The following LRP1B variants were observed in gnomAD, a reference collection of about 807,000 sequenced individuals.
The protein encoded by LRP1B is LDL receptor related protein 1B.
LRP1B carries 217 observed loss-of-function variants against 556.6 expected under a neutral mutation model. The ratio of observed to expected loss-of-function variants is 0.39; its 90% CI spans 0.35 to 0.44. The LOEUF is 0.44. Among genes scored for constraint, LRP1B ranks in the 20% least tolerant of loss-of-function variants. LRP1B has a pLI of 1.00. For missense variants in LRP1B, 5,053 were observed against 5,620.8 expected, an observed-to-expected ratio of 0.90 and a Z score of 3.23; for synonymous variants, 2,047 against 1,865.8, an observed-to-expected ratio of 1.10 and a Z score of -2.50.
intron 59 of LRP1B, among the ~76,000 whole-genome samples, chr2:140,483,630 ATATATATATATT>A (rs1284554275): frequency 4.3e-5 from 2 of 46,306 alleles, no homozygotes; most frequent in Non-Finnish European, 9.6e-5. Flanking sequence ...ATATATATAT[ATATATATATATT>A]TTTTTTTTTT....
intron 3 of LRP1B, among the ~76,000 whole-genome samples, chr2:141,474,538 T>A (rs953431931): frequency 1.8e-4 from 28 of 152,120 alleles, no homozygotes; most frequent in African/African-American, 6.5e-4. Flanking sequence ...TTATTGACAA[T>A]AGATTATGAG....
intron 41 of LRP1B, among the ~76,000 whole-genome samples, chr2:140,661,048 G>T (rs909213000): frequency 6.6e-6 from 1 of 151,650 alleles, no homozygotes; most frequent in Non-Finnish European, 1.5e-5. Context: ...ATTATCAGAG[G>T]CCAAAGTTAA....
intron 43 of LRP1B, among the ~76,000 whole-genome samples, chr2:140,552,812 A>G (rs1303715331): frequency 6.6e-6 from 1 of 152,134 alleles, no homozygotes; most frequent in Non-Finnish European, 1.5e-5. Context: ...TTCTTGACAC[A>G]GCTACTTATT....
chr2:141,995,177 C>T (rs992568758), intron 1 of LRP1B, among the ~76,000 whole-genome samples: 30 of 152,000 alleles, frequency 2.0e-4, no homozygotes, highest in Admixed American at 2.0e-3. Context: ...AATTTATTTA[C>T]TTACAGTACA....
intron 5 of LRP1B, among the ~76,000 whole-genome samples, chr2:141,241,867 C>T (rs1683890345): frequency 1.3e-5 from 2 of 151,624 alleles, no homozygotes; most frequent in Admixed American, 6.6e-5. Context: ...TCATCAAGTG[C>T]TATTTGAAGT....
At chr2:140,613,243 T>A (rs1390797609) in intron 41 of LRP1B, among the ~76,000 whole-genome samples, 1 of 144,792 alleles carries the variant, frequency 6.9e-6, no homozygotes, top group Non-Finnish European at 1.5e-5. Context: ...TATATTACAA[T>A]TATATTTATA....
chr2:140,437,212 G>A (rs189289092), intron 66 of LRP1B, among the ~76,000 whole-genome samples: 2 of 152,132 alleles, frequency 1.3e-5, no homozygotes, highest in Non-Finnish European at 1.5e-5. Context: ...CATTAGAGAC[G>A]AATGAGGTTC....
intron 29 of LRP1B, among the ~76,000 whole-genome samples, chr2:140,844,516 C>CGATGA (rs1277642422): frequency 1.3e-5 from 2 of 150,900 alleles, no homozygotes; most frequent in African/African-American, 2.4e-5. Flanking sequence ...GTAAACTCAT[C>CGATGA]ATAAGCATAT....
In LRP1B at chr2:140,694,298, A is replaced by G. The variant is rs114338646; in HGVS notation, c.6799+5952T>C. ...ATATTTTTTTAATTAGTGGGAATAC[A>G]TAGATATATTGTTACTGACTTTATA... On this transcript the variant is annotated intron_variant, in intron 41 of 90. Transcript: ENST00000389484. Among the ~76,000 whole-genome samples, 576 of 152,310 alleles carry G rather than the reference A, an allele frequency of 3.8e-3. 2 individuals carry two copies. The highest frequency in any genetic ancestry group is 0.013 in the African/African-American group (551 of 41,568).
chr2:140,254,780 C>T (rs1681605135), intron 86 of LRP1B, among the ~76,000 whole-genome samples: 2 of 152,044 alleles, frequency 1.3e-5, no homozygotes, highest in African/African-American at 4.8e-5. Context: ...TCTCAAACTC[C>T]TGACCTCGTG....
At chr2:140,360,410 C>T (rs916739237) in intron 72 of LRP1B, among the ~76,000 whole-genome samples, 1 of 151,514 alleles carries the variant, frequency 6.6e-6, no homozygotes. Flanking sequence ...TGTCACCTCA[C>T]GTTTGAAAAC....
At chr2:141,963,752 G>A (rs2105060019) in intron 1 of LRP1B, among the ~76,000 whole-genome samples, 1 of 147,430 alleles carries the variant, frequency 6.8e-6, no homozygotes, top group East Asian at 2.0e-4. Context: ...AGGGCAATCA[G>A]GCAGGAGAAG....
chr2:141,649,642 C>A (rs2105376843), intron 2 of LRP1B, among the ~76,000 whole-genome samples: 1 of 152,238 alleles, frequency 6.6e-6, no homozygotes. Flanking sequence ...CGTAAACATG[C>A]CTATGTAATT....
intron 7 of LRP1B, among the ~76,000 whole-genome samples, chr2:141,080,849 C>T: frequency 6.6e-6 from 1 of 152,160 alleles, no homozygotes; most frequent in East Asian, 1.9e-4. Context: ...AAACTGCAGA[C>T]CATTGTTAGC....
chr2:141,284,560 G>A (rs1685634929), intron 3 of LRP1B, among the ~76,000 whole-genome samples: 2 of 152,144 alleles, frequency 1.3e-5, no homozygotes, highest in Non-Finnish European at 2.9e-5. Context: ...CACGCACAAA[G>A]CGTAGTTAAA....
intron 60 of LRP1B, among the ~76,000 whole-genome samples, chr2:140,460,539 TG>T (rs1687276185): frequency 6.6e-6 from 1 of 152,168 alleles, no homozygotes; most frequent in Admixed American, 6.6e-5. Context: ...TATGACCAGT[TG>T]TCTGTATAAA....
chr2:140,621,018 C>A (rs1290990286), intron 41 of LRP1B, among the ~76,000 whole-genome samples: 1 of 151,902 alleles, frequency 6.6e-6, no homozygotes, highest in Non-Finnish European at 1.5e-5. Flanking sequence ...TCATCTATTG[C>A]AATTTTAAAA....
At chr2:141,789,473 G>A (rs1280447910) in intron 2 of LRP1B, among the ~76,000 whole-genome samples, 3 of 151,944 alleles carry the variant, frequency 2.0e-5, no homozygotes, top group Non-Finnish European at 2.9e-5. Flanking sequence ...TTAACAACAT[G>A]TAAGCTTGTT....
intron 2 of LRP1B, among the ~76,000 whole-genome samples, chr2:141,620,265 A>G (rs1688454910): frequency 1.3e-5 from 2 of 152,238 alleles, no homozygotes; most frequent in African/African-American, 2.4e-5. Context: ...TAAAGTCAGT[A>G]TACTTTGTAT....
Sources: allele counts gnomAD v4.1 joint callset (sites outside exome capture counted in the v4.1 genomes callset), GRCh38; gene constraint gnomAD v4.1.1; transcripts MANE v1.5; gene names NCBI Gene and HGNC (gene_info 2026-07-23, HGNC 2026-07-21).